Variants in TGM6 observed in about 807,000 individuals in gnomAD.
TGM6 encodes protein-glutamine gamma-glutamyltransferase 6.
TGM6 carries 74 observed loss-of-function variants against 77.5 expected under a neutral mutation model. That is an observed-to-expected ratio of 0.96 (90% CI 0.79 to 1.16). The LOEUF is 1.16. Among genes scored for constraint, TGM6 ranks in the 50% most tolerant of loss-of-function variants. TGM6 has a pLI of 0.00. For missense variants in TGM6, 968 were observed against 940.2 expected, an observed-to-expected ratio of 1.03 and a Z score of -0.39; for synonymous variants, 383 against 378.9, an observed-to-expected ratio of 1.01 and a Z score of -0.12.
At chr20:2,415,431 G>A (rs898438237) in intron 9 of TGM6, among the ~76,000 whole-genome samples, 2 of 152,166 alleles carry the variant, frequency 1.3e-5, no homozygotes, top group African/African-American at 4.8e-5. Context: ...GAAGGGAGGG[G>A]ATGTTCTTGA....
At chr20:2,403,316 C>T in intron 7 of TGM6, 81 bp from the exon 8 acceptor site, 1 of 1,476,536 alleles carries the variant, frequency 6.8e-7, no homozygotes, top group East Asian at 2.4e-5. Flanking sequence ...AAGTAGGGAG[C>T]CCAGGGCCTG....
At chr20:2,412,427 A>G (rs550643915) in intron 9 of TGM6, among the ~76,000 whole-genome samples, 77 of 152,300 alleles carry the variant, frequency 5.1e-4, no homozygotes, top group Admixed American at 1.3e-4. Flanking sequence ...TTACACAACA[A>G]TATGAATGTA....
chr20:2,424,928 T>C (rs2122428812), intron 10 of TGM6, among the ~76,000 whole-genome samples: 1 of 152,250 alleles, frequency 6.6e-6, no homozygotes, highest in South Asian at 2.1e-4. Flanking sequence ...GATAGGGAAA[T>C]GGCCAGTCGG....
intron 10 of TGM6, among the ~76,000 whole-genome samples, chr20:2,425,636 A>ATTGT: frequency 6.6e-6 from 1 of 152,102 alleles, no homozygotes; most frequent in Non-Finnish European, 1.5e-5. Context: ...CTCCTTCAAT[A>ATTGT]ATGTACAATT....
intron 1 of TGM6, among the ~76,000 whole-genome samples, chr20:2,392,298 T>C (rs2084633944): frequency 3.9e-5 from 6 of 152,180 alleles, no homozygotes; most frequent in Admixed American, 3.9e-4. Context: ...AACACTCAAC[T>C]CTTTCCTGGA....
intron 10 of TGM6, among the ~76,000 whole-genome samples, chr20:2,424,031 T>A (rs1189235901): frequency 6.6e-6 from 1 of 152,200 alleles, no homozygotes; most frequent in Non-Finnish European, 1.5e-5. Flanking sequence ...TATAAACAGA[T>A]GTGCTATCAT....
chr20:2,394,380 T>A lies in TGM6; in HGVS notation c.8-72T>A, dbSNP rs1368894621. ...GAACAAATGACTGGCCGAGAATGAATGGGAGGACAAGCTCAGAGTGGGTGA... is the reference window on the plus strand; with the variant it reads ...GAACAAATGACTGGCCGAGAATGAAAGGGAGGACAAGCTCAGAGTGGGTGA... On this transcript the variant is annotated intron_variant, in intron 1 of 12. Transcript: ENST00000202625. 4.6e-6 allele frequency: 7 copies of A among 1,537,812 alleles called. No individual in the cohort carries two copies. The South Asian group carries it at 6.7e-5, about 15-fold the overall frequency.
rs764324307 is a variant in TGM6 at position 2,399,650 on chromosome 20, C to T, written c.762C>T (p.Ser254=). ...CCAGCCCGCTGCACTGGCGCGGCAGCGTGGCCATTCTGCAGAAGTGGCTCA... is the reference window on the plus strand; with the variant it reads ...CCAGCCCGCTGCACTGGCGCGGCAGTGTGGCCATTCTGCAGAAGTGGCTCA... ...GGTSPLHWRG[S]VAILQKWLKG... is the part of the protein sequence containing the mutation. Residue 254 remains serine, a synonymous_variant, in exon 6 of 13, where the codon AGC becomes AGT. Transcript: ENST00000202625. The T allele has an allele frequency of 4.3e-6, 7 of 1,613,524 alleles. No individual in the cohort carries two copies. Among genetic ancestry groups the T allele is most frequent in the Admixed American group, 1.7e-5 (1 of 59,984 alleles).
rs780869334 is a variant in TGM6 at position 2,396,564 on chromosome 20, C to T, written c.483C>T (p.Ser161=). The T allele has an allele frequency of 1.9e-5, 31 of 1,614,198 alleles. No homozygotes were observed. The highest frequency in any genetic ancestry group is 8.9e-5 in the East Asian group (4 of 44,886). The change falls in exon 4 of 13, where the codon AGC becomes AGT. Residue 161 remains serine, a synonymous_variant. Coordinates refer to ENST00000202625, the MANE Select transcript of TGM6 (RefSeq NM_198994.3). ...GACAGGAGTACGTGCTCAGCGACAG[C>T]GGCATCATCTTCCGAGGCGTGGAGA... ...EERQEYVLSD[S]GIIFRGVEKH...
chr20:2,396,743 G>A, intron 4 of TGM6, 119 bp downstream of exon 4: 1 of 893,920 alleles, frequency 1.1e-6, no homozygotes, highest in Non-Finnish European at 1.8e-6. Context: ...CACTCCTAGA[G>A]AAAACCCACT....
intron 7 of TGM6, among the ~76,000 whole-genome samples, chr20:2,401,074 A>C (rs1373362200): frequency 6.6e-6 from 1 of 151,844 alleles, no homozygotes; most frequent in African/African-American, 2.4e-5. Flanking sequence ...GCATCGTGGC[A>C]GGCGCCTGTA....
chr20:2,430,479 A>T lies in TGM6; in HGVS notation c.1712A>T (p.Lys571Met). ...ATCCCAATTACAATATCTTACTCTA[A>T]GTATAAAGAAGACCTGACAGAGGAC... ...KRIPITISYSKYKEDLTEDKK... is the reference protein window; with the variant it reads ...KRIPITISYSMYKEDLTEDKK... Residue 571 changes from lysine to methionine, a missense_variant, in exon 11 of 13, where the codon AAG becomes ATG. Coordinates refer to ENST00000202625, the MANE Select transcript of TGM6 (RefSeq NM_198994.3). 6.2e-7 allele frequency: 1 copy of T among 1,614,180 alleles called. No individual in the cohort carries two copies. The highest frequency in any genetic ancestry group is 1.1e-5 in the South Asian group (1 of 91,076).
At chr20:2,422,472 A>G (rs1011955644) in intron 10 of TGM6, among the ~76,000 whole-genome samples, 2 of 152,226 alleles carry the variant, frequency 1.3e-5, no homozygotes, top group Non-Finnish European at 2.9e-5. Flanking sequence ...GACAACCACA[A>G]TAGTAGGAAT....
rs746383828 is a variant in TGM6, at chr20:2,399,702, G to A, written c.814G>A (p.Gly272Ser). 8.1e-6 allele frequency: 13 copies of A among 1,614,094 alleles called. No individual in the cohort carries two copies. Among genetic ancestry groups the A allele is most frequent in the African/African-American group, 1.3e-5 (1 of 75,048 alleles). ...GGGCAGGTACAAGCCAGTCAAGTAC[G>A]GCCAGTGCTGGGTCTTCGCCGGAGT... Reference protein sequence around the residue: ...LKGRYKPVKYGQCWVFAGVLC... With the variant: ...LKGRYKPVKYSQCWVFAGVLC... The change falls in exon 6 of 13, where the codon GGC (glycine) becomes AGC (serine). Residue 272 changes from glycine (G) to serine (S), a missense_variant. By Grantham distance (56) the Gly-to-Ser change is moderately conservative (BLOSUM62 0). Coordinates refer to ENST00000202625, the MANE Select transcript of TGM6 (RefSeq NM_198994.3).
At chr20:2,411,283 A>T (rs1359987077) in intron 9 of TGM6, among the ~76,000 whole-genome samples, 1 of 152,220 alleles carries the variant, frequency 6.6e-6, no homozygotes, top group African/African-American at 2.4e-5. Context: ...GCAACATATA[A>T]AAAAGATTAT....
rs567083240 is a variant in TGM6 at position 2,417,692 on chromosome 20, T to C, written c.1678+119T>C. On this transcript the variant is annotated intron_variant, in intron 10 of 12. Coordinates refer to ENST00000202625, the MANE Select transcript of TGM6 (RefSeq NM_198994.3). The stretch of plus-strand genomic sequence containing the variant: ...TCCCCAGGAAGGAAGGGGACATTCC[T>C]GAGCATTGTGCTCAGTGCCTTGCCT... The C allele has an allele frequency of 2.5e-6, 3 of 1,186,146 alleles. No individual in the cohort carries two copies. In the East Asian group the frequency reaches 7.6e-5, roughly 30 times the overall value. The allele number at this position is 1,186,146 out of a possible 1,614,324, so 73.5% of individuals were successfully genotyped here. A position where few individuals can be genotyped will look rare whatever the true frequency, so the allele number is the denominator to read the frequency against.
chr20:2,430,829 G>A (rs1428610755), intron 11 of TGM6, 65 bp from the exon 12 acceptor site: 1 of 1,613,540 alleles, frequency 6.2e-7, no homozygotes, highest in African/African-American at 1.3e-5. Context: ...AACTCAGCCA[G>A]GACCATCGGT....
At chr20:2,393,141 G>A (rs1265337035) in intron 1 of TGM6, among the ~76,000 whole-genome samples, 1 of 152,214 alleles carries the variant, frequency 6.6e-6, no homozygotes, top group East Asian at 1.9e-4. Context: ...TATTTTTAAA[G>A]CCAAAATCTA....
At chr20:2,409,832 A>G (rs987001110) in intron 9 of TGM6, among the ~76,000 whole-genome samples, 1 of 152,232 alleles carries the variant, frequency 6.6e-6, no homozygotes, top group Non-Finnish European at 1.5e-5. Flanking sequence ...AAAAATCATA[A>G]AAGAAAATCA....
Sources: allele counts gnomAD v4.1 joint callset (sites outside exome capture counted in the v4.1 genomes callset), GRCh38; gene constraint gnomAD v4.1.1; transcripts MANE v1.5; gene names NCBI Gene and HGNC (gene_info 2026-07-23, HGNC 2026-07-21).